The following GLYATL3 variants were observed in gnomAD, a reference collection of about 807,000 sequenced individuals.
GLYATL3 encodes glycine N-acyltransferase-like protein 3.
Under a neutral mutation model 28.5 loss-of-function variants are expected in GLYATL3, and 31 were observed. That is an observed-to-expected ratio of 1.09 (90% confidence interval 0.82 to 1.47). The LOEUF (loss-of-function observed/expected upper bound fraction) is 1.47, where lower values mean the gene tolerates loss of function less well. Ranked by LOEUF, GLYATL3 falls within the 40% of genes most tolerant of loss-of-function variation. The pLI, the probability that GLYATL3 is intolerant of heterozygous loss-of-function variation, is 0.00. For synonymous variants in GLYATL3, 141 were observed against 140.2 expected (o/e 1.01, Z -0.04); for missense variants, 369 against 351.5 (o/e 1.05, Z -0.40).
chr6:49,510,533 G>A (rs924126435), intron 1 of GLYATL3, among the ~76,000 whole-genome samples: 14 of 152,072 alleles, frequency 9.2e-5, no homozygotes, highest in South Asian at 2.1e-4. Flanking sequence ...ATTTTGTTTC[G>A]TTTTCTATCA....
chr6:49,510,331 C>T (rs1452483723), intron 1 of GLYATL3, among the ~76,000 whole-genome samples: 1 of 152,080 alleles, frequency 6.6e-6, no homozygotes, highest in Non-Finnish European at 1.5e-5. Flanking sequence ...CATGAGACAC[C>T]ACGCCCAGCC....
chr6:49,505,852 C>A (rs1769002190), intron 1 of GLYATL3, among the ~76,000 whole-genome samples: 1 of 152,024 alleles, frequency 6.6e-6, no homozygotes, highest in Non-Finnish European at 1.5e-5. Context: ...TACTATAAGT[C>A]CCGTAGGAGA....
At chr6:49,507,449 T>C (rs1176569090) in intron 1 of GLYATL3, among the ~76,000 whole-genome samples, 1 of 152,166 alleles carries the variant, frequency 6.6e-6, no homozygotes, top group Non-Finnish European at 1.5e-5. Flanking sequence ...GAATCAGCCT[T>C]GATTCCACCC....
intron 1 of GLYATL3, among the ~76,000 whole-genome samples, chr6:49,506,699 G>A (rs550952550): frequency 2.2e-4 from 33 of 152,166 alleles, no homozygotes; most frequent in African/African-American, 6.5e-4. Context: ...CGAGTTCCAT[G>A]GAGACAAGGA....
chr6:49,503,323 C>CA (rs1189655894), intron 1 of GLYATL3, among the ~76,000 whole-genome samples: 1 of 152,200 alleles, frequency 6.6e-6, no homozygotes, highest in African/African-American at 2.4e-5. Context: ...TTACTTATAA[C>CA]ACTTTCTCCA....
intron 1 of GLYATL3, among the ~76,000 whole-genome samples, chr6:49,509,393 T>G (rs1167307890): frequency 6.6e-6 from 1 of 152,202 alleles, no homozygotes; most frequent in Non-Finnish European, 1.5e-5. Flanking sequence ...TCAAGAGCAT[T>G]GTAACTCATG....
chr6:49,517,073 T>C (rs1036964667), intron 3 of GLYATL3, among the ~76,000 whole-genome samples: 10 of 150,470 alleles, frequency 6.6e-5, no homozygotes, highest in African/African-American at 2.4e-4. Flanking sequence ...GGAGAATCAC[T>C]TGAACTGGCT....
chr6:49,511,360 T>C (rs1210623285), intron 1 of GLYATL3, among the ~76,000 whole-genome samples: 1 of 152,220 alleles, frequency 6.6e-6, no homozygotes, highest in Admixed American at 6.5e-5. Context: ...CTTTGACCAC[T>C]TCTGATTCTT....
chr6:49,500,826 C>T lies in GLYATL3; in HGVS notation c.-29+784C>T, dbSNP rs1768899436. ...GTTAATCGTCATTATGACTCTCTAA[C>T]ATGTTACAAAAATGTGTAGAAAATA... On this transcript the variant is annotated intron_variant, in intron 1 of 5. Coordinates refer to ENST00000371197, the MANE Select transcript of GLYATL3 (RefSeq NM_001010904.2). Among the ~76,000 whole-genome samples, 3 of 152,130 alleles carry T rather than the reference C, an allele frequency of 2.0e-5. No individual in the cohort carries two copies. In the South Asian group the frequency reaches 6.2e-4, roughly 32 times the overall value.
intron 4 of GLYATL3, among the ~76,000 whole-genome samples, chr6:49,521,251 A>G (rs552174251): frequency 6.6e-6 from 1 of 152,314 alleles, no homozygotes; most frequent in African/African-American, 2.4e-5. Flanking sequence ...GCCACGCCAA[A>G]CAAATCTAAG....
intron 5 of GLYATL3, among the ~76,000 whole-genome samples, chr6:49,523,649 C>T (rs557547235): frequency 6.6e-6 from 1 of 152,316 alleles, no homozygotes; most frequent in African/African-American, 2.4e-5. Context: ...CTTTTCTGCA[C>T]ATTCCCTTAA....
chr6:49,515,504 CTATTA>C (rs1268468741), intron 2 of GLYATL3, 144 bp from the exon 3 acceptor site: 8 of 493,894 alleles, frequency 1.6e-5, no homozygotes, highest in African/African-American at 1.6e-4. Flanking sequence ...ATATACGTGT[CTATTA>C]TGTGTCTGAA....
chr6:49,507,645 G>T (rs1478550302), intron 1 of GLYATL3, among the ~76,000 whole-genome samples: 3 of 152,138 alleles, frequency 2.0e-5, no homozygotes, highest in African/African-American at 4.8e-5. Context: ...GGAGTGCACT[G>T]AGCCGAGGAA....
rs541892240 is a variant in GLYATL3, at chr6:49,505,936, CGTT to C, written c.-29+5898_-29+5900del. On this transcript the variant is annotated intron_variant, in intron 1 of 5. Transcript: ENST00000371197. ...ACGAGAGACTTGTGCCTCTCTCACT[CGTT>C]GTTCTACAAAAGACAACTCTTGTTT... 2.4e-3 allele frequency among the ~76,000 whole-genome samples: 364 copies of C among 152,292 alleles called. 1 individual carries two copies. Among genetic ancestry groups the C allele is most frequent in the Non-Finnish European group, 4.0e-3 (272 of 68,014 alleles).
At chr6:49,525,093 A>ATTTTTTTTTTTTTTTTTT (rs10630585) in intron 5 of GLYATL3, among the ~76,000 whole-genome samples, 2 of 141,352 alleles carry the variant, frequency 1.4e-5, no homozygotes, top group Non-Finnish European at 1.5e-5. Flanking sequence ...ATTCTAAAAC[A>ATTTTTTTTTTTTTTTTTT]TTTTTTTTTT....
intron 1 of GLYATL3, among the ~76,000 whole-genome samples, chr6:49,506,029 T>C (rs1316146818): frequency 6.6e-6 from 1 of 152,122 alleles, no homozygotes; most frequent in Admixed American, 6.5e-5. Context: ...AGCAAATAGA[T>C]GAGATAATGC....
chr6:49,522,222 T>C (rs574809985), intron 5 of GLYATL3, among the ~76,000 whole-genome samples: 10 of 152,272 alleles, frequency 6.6e-5, no homozygotes, highest in African/African-American at 2.4e-4. Context: ...CCATTAGTTC[T>C]TTCCACAACC....
Position 49,517,582 on chromosome 6 carries a change from TAC to T in GLYATL3, c.313+30_313+31del, listed in dbSNP as rs1272245190. ...GTGAGGTCAAGTGCAAGACTTATAT[TAC>T]ACAGTCTTTTTTTTCCTCCTTAGCA... On this transcript the variant is annotated intron_variant, in intron 4 of 5. Coordinates refer to ENST00000371197, the MANE Select transcript of GLYATL3 (RefSeq NM_001010904.2). 4.6e-6 allele frequency: 7 copies of T among 1,524,910 alleles called. No homozygotes were observed. In the East Asian group the frequency reaches 1.5e-4, roughly 32 times the overall value. 94.5% of individuals were successfully genotyped at this position (1,524,910 alleles called of 1,614,324 possible). A position where few individuals can be genotyped will look rare whatever the true frequency, so the allele number is the denominator to read the frequency against.
At chr6:49,520,284 C>T (rs1581872097) in intron 4 of GLYATL3, among the ~76,000 whole-genome samples, 1 of 152,006 alleles carries the variant, frequency 6.6e-6, no homozygotes, top group East Asian at 1.9e-4. Context: ...AAATTTGAGA[C>T]CAAAATTAAA....
Sources: allele counts gnomAD v4.1 joint callset (sites outside exome capture counted in the v4.1 genomes callset), GRCh38; gene constraint gnomAD v4.1.1; transcripts MANE v1.5; gene names NCBI Gene and HGNC (gene_info 2026-07-23, HGNC 2026-07-21).